TEAD1: variants seen among roughly 807,000 people sequenced by gnomAD.
TEAD1 encodes TEA domain transcription factor 1.
TEAD1 carries 9 observed loss-of-function variants against 54.9 expected under a neutral mutation model. The ratio of observed to expected loss-of-function variants is 0.16; its 90% CI spans 0.10 to 0.29. The LOEUF (loss-of-function observed/expected upper bound fraction) is 0.29. Ranked by LOEUF, TEAD1 falls within the 10% of genes least tolerant of loss-of-function variation. The probability of loss-of-function intolerance (pLI) is 1.00; values close to 1 mark genes in which losing one functional copy is unlikely to be tolerated. For synonymous variants in TEAD1, 200 were observed against 187.8 expected (o/e 1.07, Z -0.53); for missense variants, 387 against 535.9 (o/e 0.72, Z 2.74).
intron 2 of TEAD1, among the ~76,000 whole-genome samples, chr11:12,696,269 C>CA (rs1333095477): frequency 6.6e-6 from 1 of 152,202 alleles, no homozygotes; most frequent in Non-Finnish European, 1.5e-5. Flanking sequence ...AGGACCAGCT[C>CA]ACCCACCTTT....
chr11:12,698,958 ACTTC>A (rs1255748767), intron 2 of TEAD1, among the ~76,000 whole-genome samples: 1 of 152,188 alleles, frequency 6.6e-6, no homozygotes, highest in African/African-American at 2.4e-5. Flanking sequence ...ATTTATCAGT[ACTTC>A]CTTTATAGTT....
intron 9 of TEAD1, among the ~76,000 whole-genome samples, chr11:12,897,029 C>T (rs531668997): frequency 3.9e-5 from 6 of 152,246 alleles, no homozygotes; most frequent in Non-Finnish European, 5.9e-5. Flanking sequence ...AATTAGCCTC[C>T]GTTTTGGATA....
At chr11:12,821,033 C>A (rs547425696) in intron 3 of TEAD1, among the ~76,000 whole-genome samples, 58 of 152,268 alleles carry the variant, frequency 3.8e-4, no homozygotes, top group African/African-American at 1.3e-3. Context: ...TTGCCATGGC[C>A]TGTTCACCAG....
chr11:12,911,798 G>C (rs1271945127), intron 10 of TEAD1, among the ~76,000 whole-genome samples: 1 of 151,820 alleles, frequency 6.6e-6, no homozygotes, highest in Non-Finnish European at 1.5e-5. Context: ...AAAATATCTG[G>C]AGCTTGTGAG....
intron 2 of TEAD1, among the ~76,000 whole-genome samples, chr11:12,719,004 A>T (rs1245693549): frequency 1.1e-4 from 17 of 149,360 alleles, no homozygotes; most frequent in African/African-American, 3.2e-4. Flanking sequence ...TTTTTTTTTT[A>T]GGGGGGGGAG....
intron 4 of TEAD1, among the ~76,000 whole-genome samples, chr11:12,864,412 A>G (rs879597854): frequency 6.6e-6 from 1 of 152,114 alleles, no homozygotes; most frequent in Non-Finnish European, 1.5e-5. Flanking sequence ...TTGGGTGGGA[A>G]GACTAAGATG....
chr11:12,759,152 T>G (rs1945050899), intron 2 of TEAD1, among the ~76,000 whole-genome samples: 1 of 152,028 alleles, frequency 6.6e-6, no homozygotes, highest in African/African-American at 2.4e-5. Context: ...TGAAGATGGG[T>G]GAGAAACTGA....
intron 3 of TEAD1, among the ~76,000 whole-genome samples, chr11:12,813,893 A>G (rs1465258408): frequency 1.3e-5 from 2 of 152,082 alleles, no homozygotes; most frequent in Admixed American, 6.5e-5. Flanking sequence ...AAGGTGGAGG[A>G]GAGAGGATGG....
At chr11:12,704,962 G>T (rs1179363152) in intron 2 of TEAD1, among the ~76,000 whole-genome samples, 1 of 152,192 alleles carries the variant, frequency 6.6e-6, no homozygotes, top group East Asian at 1.9e-4. Context: ...GCCCAACTCT[G>T]TGCTTTGCAA....
chr11:12,865,093 G>A (rs922575186), intron 5 of TEAD1, 193 bp downstream of exon 5: 62 of 684,340 alleles, frequency 9.1e-5, no homozygotes, highest in Non-Finnish European at 1.4e-4. Flanking sequence ...GTGTGTGAGC[G>A]CGTGTGTGTG....
At chr11:12,717,594 A>G (rs1430012119) in intron 2 of TEAD1, among the ~76,000 whole-genome samples, 1 of 152,216 alleles carries the variant, frequency 6.6e-6, no homozygotes, top group Non-Finnish European at 1.5e-5. Context: ...TAACCCAATA[A>G]TGGAAGTGGA....
At chr11:12,911,664 G>C (rs958234714) in intron 10 of TEAD1, among the ~76,000 whole-genome samples, 3 of 150,096 alleles carry the variant, frequency 2.0e-5, no homozygotes, top group Non-Finnish European at 4.4e-5. Context: ...TAAGTAGACT[G>C]TGGTTACATG....
chr11:12,733,441 G>T (rs781381605), intron 2 of TEAD1, among the ~76,000 whole-genome samples: 1 of 152,198 alleles, frequency 6.6e-6, no homozygotes, highest in Non-Finnish European at 1.5e-5. Flanking sequence ...TCTTGAGGAA[G>T]GGAAGGAGGT....
chr11:12,840,253 AAAAAAAAAAG>A (rs568683650), intron 3 of TEAD1, among the ~76,000 whole-genome samples: 13,332 of 45,194 alleles, frequency 0.29, 1,008 homozygotes, highest in Admixed American at 0.38. Context: ...CCTCAAAAAA[AAAAAAAAAAG>A]AAAAAAAAAA....
chr11:12,789,255 GT>G (rs1325788461), intron 3 of TEAD1, among the ~76,000 whole-genome samples: 1 of 152,212 alleles, frequency 6.6e-6, no homozygotes, highest in African/African-American at 2.4e-5. Flanking sequence ...GGTTGTGCCA[GT>G]TAGATGAGGT....
chr11:12,863,084 T>C (rs1422267068), intron 4 of TEAD1, among the ~76,000 whole-genome samples: 1 of 152,222 alleles, frequency 6.6e-6, no homozygotes, highest in African/African-American at 2.4e-5. Flanking sequence ...AGAATTATTT[T>C]TTAATGTCGA....
In TEAD1 at chr11:12,722,016, G is replaced by A. The variant is rs371338606; in HGVS notation, c.-54-42163G>A. 1.2e-3 allele frequency among the ~76,000 whole-genome samples: 176 copies of A among 152,358 alleles called. 8 individuals carry two copies. The South Asian group carries it at 0.028, about 25-fold the overall frequency. ...AAATATTCTGATTCACTGGGTCTGGGTTGGTGCCAGTTGTCTGAGCTTTTA... is the reference window on the plus strand; with the variant it reads ...AAATATTCTGATTCACTGGGTCTGGATTGGTGCCAGTTGTCTGAGCTTTTA... On this transcript the variant is annotated intron_variant, in intron 2 of 12. Coordinates refer to ENST00000527636, the MANE Select transcript of TEAD1 (RefSeq NM_021961.6).
chr11:12,862,934 G>C (rs923892486), intron 4 of TEAD1, among the ~76,000 whole-genome samples: 1 of 151,684 alleles, frequency 6.6e-6, no homozygotes, highest in South Asian at 2.1e-4. Flanking sequence ...CGTTCTTTCA[G>C]ATGTAAAACA....
intron 5 of TEAD1, among the ~76,000 whole-genome samples, chr11:12,869,213 G>T (rs1263019558): frequency 6.6e-6 from 1 of 152,144 alleles, no homozygotes; most frequent in African/African-American, 2.4e-5. Flanking sequence ...CGCCAGCCAG[G>T]TTTTGCAGGA....
Sources: allele counts gnomAD v4.1 joint callset (sites outside exome capture counted in the v4.1 genomes callset), GRCh38; gene constraint gnomAD v4.1.1; transcripts MANE v1.5; gene names NCBI Gene and HGNC (gene_info 2026-07-23, HGNC 2026-07-21).